PTPRH: variants seen among roughly 807,000 people sequenced by gnomAD.
The protein encoded by PTPRH is receptor-type tyrosine-protein phosphatase H.
PTPRH carries 113 observed loss-of-function variants against 130.2 expected under a neutral mutation model. The observed-to-expected ratio is 0.87, with a 90% CI of 0.75 to 1.01. The LOEUF (loss-of-function observed/expected upper bound fraction) is 1.01. Ranked by LOEUF, PTPRH falls within the 50% of genes least tolerant of loss-of-function variation. PTPRH has a pLI of 0.00. For synonymous variants in PTPRH, 556 were observed against 577.9 expected (o/e 0.96, Z 0.54); for missense variants, 1,430 against 1,425.0 (o/e 1.00, Z -0.06).
At chr19:55,187,682 CCTT>C (rs1267870935) in intron 13 of PTPRH, 79 bp from the exon 14 acceptor site, 11 of 1,019,248 alleles carry the variant, frequency 1.1e-5, no homozygotes, top group Non-Finnish European at 1.7e-5. Context: ...GCTCCCCTTG[CCTT>C]CTTCGGCATC....
At position 55,209,262 on chromosome 19, in the gene PTPRH, C is replaced by A. The variant is rs1427133123; in HGVS notation, c.51+121G>T. On this transcript the variant is annotated intron_variant, in intron 1 of 19. Transcript: ENST00000376350. The surrounding 1 kb of genome is among the most constrained non-coding windows in gnomAD (Gnocchi z 4.1). ...TCTCTGCCAAGCCTGAAGCCCTCTT[C>A]CTTCTCCAGGGGATCTTCAGCACCT... is the stretch of plus-strand genomic sequence containing the variant. The A allele has an allele frequency of 2.3e-6, 2 of 860,904 alleles. No individual in the cohort carries two copies. Among genetic ancestry groups the A allele is most frequent in the African/African-American group, 3.3e-5 (2 of 59,886 alleles). 53.3% of individuals were successfully genotyped at this position (860,904 alleles called of 1,614,324 possible).
rs564686000 is a variant in PTPRH, at chr19:55,185,231, G to A, written c.3062+271C>T. ...TGTTCTCAGACTCCTGAACTCAAGT[G>A]ATCCACCCGCCTTGGCCTCCCAAAG... is the stretch of plus-strand genomic sequence containing the variant. On this transcript the variant is annotated intron_variant, in intron 18 of 19. Transcript: ENST00000376350. 3.9e-5 allele frequency among the ~76,000 whole-genome samples: 6 copies of A among 152,236 alleles called. No homozygotes were observed. The East Asian group carries it at 1.2e-3, about 29-fold the overall frequency.
chr19:55,198,057 A>AT (rs1474711546), intron 8 of PTPRH, among the ~76,000 whole-genome samples: 3 of 152,138 alleles, frequency 2.0e-5, no homozygotes, highest in South Asian at 2.1e-4. Flanking sequence ...TACAAAAAAT[A>AT]TTTTTTTAAA....
At chr19:55,192,977 C>T (rs1285763580) in intron 10 of PTPRH, among the ~76,000 whole-genome samples, 1 of 151,702 alleles carries the variant, frequency 6.6e-6, no homozygotes, top group Admixed American at 6.6e-5. Flanking sequence ...CCCTGTAATC[C>T]CAACACTTTG....
intron 18 of PTPRH, among the ~76,000 whole-genome samples, chr19:55,184,306 T>TA (rs537950126): frequency 1.0e-3 from 152 of 150,426 alleles, no homozygotes; most frequent in African/African-American, 3.2e-3. Flanking sequence ...AACAAATAAA[T>TA]AAATAAAATA....
chr19:55,183,078 G>A (rs1010111392), intron 18 of PTPRH, among the ~76,000 whole-genome samples: 4 of 148,380 alleles, frequency 2.7e-5, no homozygotes, highest in Non-Finnish European at 6.0e-5. Flanking sequence ...TTACAGGCAT[G>A]AGCTACTGTG....
rs1376247551 is a variant in PTPRH, at chr19:55,198,703, T to C, written c.1630A>G (p.Thr544Ala). ...ACCTCATTCCTCTCGGCCCAGACGG[T>C]GAGGTGGTACAGGCTGCCAGCTTCC... ...ELEAGSLYHL[T>A]VWAERNEVRG... is the part of the protein sequence containing the mutation. Residue 544 changes from threonine to alanine, a missense_variant, in exon 8 of 20, where the codon ACC becomes GCC. Physicochemically the swap from Thr to Ala is moderately conservative, Grantham distance 58. Coordinates refer to ENST00000376350, the MANE Select transcript of PTPRH (RefSeq NM_002842.5). 6.2e-7 allele frequency: 1 copy of C among 1,613,830 alleles called. No homozygotes were observed. Among genetic ancestry groups the C allele is most frequent in the Non-Finnish European group, 8.5e-7 (1 of 1,179,906 alleles).
In PTPRH at chr19:55,207,176, G is replaced by A; in HGVS notation, c.75C>T (p.Ala25=). The A allele has an allele frequency of 6.2e-7, 1 of 1,613,410 alleles. No individual in the cohort carries two copies. The highest frequency in any genetic ancestry group is 8.5e-7 in the Non-Finnish European group (1 of 1,179,814). ...GCAGGGGTCACTCACCAGGCGCCCTGGCCCCTGTCCAGCTGCACAGGCCCT... is the reference window on the plus strand; with the variant it reads ...GCAGGGGTCACTCACCAGGCGCCCTAGCCCCTGTCCAGCTGCACAGGCCCT... ...VLLGLCSWTG[A]RAPAPNPGRN... Residue 25 remains alanine (A), a synonymous_variant, in exon 2 of 20, where the codon GCC becomes GCT. Transcript: ENST00000376350.
intron 10 of PTPRH, chr19:55,194,091 C>T (rs887903193): frequency 1.7e-6 from 2 of 1,159,604 alleles, no homozygotes; most frequent in Admixed American, 4.9e-5. Flanking sequence ...CACAGGTGAT[C>T]CTCCCGCCTC....
At chr19:55,201,879 G>T (rs1299618802) in intron 6 of PTPRH, among the ~76,000 whole-genome samples, 177 bp downstream of exon 6, 3 of 152,208 alleles carry the variant, frequency 2.0e-5, no homozygotes, top group African/African-American at 7.2e-5. Context: ...GCAGCTGGAG[G>T]TACCATGGAC....
intron 12 of PTPRH, among the ~76,000 whole-genome samples, chr19:55,188,858 G>T (rs1316855697): frequency 6.6e-6 from 1 of 152,174 alleles, no homozygotes; most frequent in African/African-American, 2.4e-5. Flanking sequence ...CATTTCCTGG[G>T]CAGGCCCCTC....
In PTPRH at chr19:55,206,849, C is replaced by T; in HGVS notation, c.192G>A (p.Trp64Ter). 1 of 1,614,146 alleles carries T rather than the reference C, an allele frequency of 6.2e-7. No homozygotes were observed. Among genetic ancestry groups the T allele is most frequent in the Non-Finnish European group, 8.5e-7 (1 of 1,180,006 alleles). Residue 64 changes from tryptophan (W) to a stop codon, truncating the protein, a stop_gained, in exon 3 of 20, where the codon TGG (tryptophan) becomes TGA (stop). Coordinates refer to ENST00000376350, the MANE Select transcript of PTPRH (RefSeq NM_002842.5). LOFTEE classifies it high-confidence loss of function. The stretch of plus-strand genomic sequence containing the variant: ...TGCCGCCGTCTCCAGTACACTGAAC[C>T]CAGTAGTTGGAGTTCTGTGAGTCTA... ...DGLDSQNSNY[W>*]VQCTGDGGTT...
chr19:55,185,886 C>A lies in PTPRH; in HGVS notation c.2877G>T (p.Thr959=), dbSNP rs759466996. 2 of 1,614,026 alleles carry A rather than the reference C, an allele frequency of 1.2e-6. No homozygotes were observed. The highest frequency in any genetic ancestry group is 4.5e-5 in the East Asian group (2 of 44,894). Residue 959 remains threonine (T), a synonymous_variant, in exon 17 of 20, where the codon ACG becomes ACT. Coordinates refer to ENST00000376350, the MANE Select transcript of PTPRH (RefSeq NM_002842.5). ...LVGEEVMENW[T]VRELLLLQVE... is the part of the protein sequence containing the mutation. The stretch of plus-strand genomic sequence containing the variant: ...CCTGGAGGAGCAGCAGTTCCCGCAC[C>A]GTCCAGTTCTCCATCACTTCCTCAC...
At chr19:55,202,815 G>A (rs1459167752) in intron 5 of PTPRH, among the ~76,000 whole-genome samples, 2 of 152,106 alleles carry the variant, frequency 1.3e-5, no homozygotes, top group East Asian at 1.9e-4. Context: ...GAGGTAGGCG[G>A]ATCACCTGAG....
chr19:55,196,406 A>G (rs1243094967), intron 10 of PTPRH, 116 bp downstream of exon 10: 3 of 1,304,042 alleles, frequency 2.3e-6, no homozygotes, highest in African/African-American at 1.5e-5. Context: ...AAAATAAAAA[A>G]GATGTTTCAA....
At chr19:55,198,559 T>C in intron 8 of PTPRH, 84 bp downstream of exon 8, 1 of 1,399,772 alleles carries the variant, frequency 7.1e-7, no homozygotes, top group Non-Finnish European at 9.5e-7. Context: ...GTACTCTTCA[T>C]CTCCCAAGGA....
rs778688664 is a variant in PTPRH at position 55,196,656 on chromosome 19, T to C, written c.2123A>G (p.Asp708Gly). ...LEVGGQRGSQ[D>G]RSSCGEAVSV... The stretch of plus-strand genomic sequence containing the variant: ...CACAGCCTCCCCACATGAAGATCTG[T>C]CCTGGGAGCCCCGCTGTCCTCCCAC... Residue 708 changes from aspartate to glycine, a missense_variant, in exon 10 of 20, where the codon GAC becomes GGC. Transcript: ENST00000376350. 2 of 1,613,916 alleles carry C rather than the reference T, an allele frequency of 1.2e-6. No individual in the cohort carries two copies. Among genetic ancestry groups the C allele is most frequent in the Admixed American group, 3.3e-5 (2 of 59,996 alleles).
rs879157800 is a variant in PTPRH, at chr19:55,202,316, T to C, written c.893A>G (p.Asn298Ser). Residue 298 changes from asparagine (N) to serine (S), a missense_variant, in exon 6 of 20, where the codon AAC becomes AGC. Physicochemically the swap from Asn to Ser is conservative, Grantham distance 46. Coordinates refer to ENST00000376350, the MANE Select transcript of PTPRH (RefSeq NM_002842.5). ...VEIVTSATAP[N>S]PVRNLTVEAQ... The stretch of plus-strand genomic sequence containing the variant: ...CTCCACTGTCAGGTTTCTCACTGGG[T>C]TGGGAGCTGAAAACCAGCACAGGAG... The C allele has an allele frequency of 1.9e-6, 3 of 1,613,882 alleles. No homozygotes were observed. The highest frequency in any genetic ancestry group is 1.7e-6 in the Non-Finnish European group (2 of 1,179,932).
chr19:55,197,060 G>A (rs1357794691), intron 9 of PTPRH, 57 bp downstream of exon 9: 7 of 1,571,296 alleles, frequency 4.5e-6, no homozygotes, highest in African/African-American at 1.3e-5. Flanking sequence ...CTCTCAGCTC[G>A]CAAGGACTGT....
Sources: gnomAD v4.1 joint callset for allele counts (sites outside exome capture counted in the v4.1 genomes callset) on GRCh38, gnomAD v4.1.1 for gene constraint, Gnocchi (gnomAD v3.1) non-coding constraint, MANE v1.5 for transcripts, NCBI Gene and HGNC (gene_info 2026-07-23, HGNC 2026-07-21) for gene names.